The following KLHL2 variants were observed in gnomAD, a reference collection of about 807,000 sequenced individuals.
The protein encoded by KLHL2 is kelch-like protein 2.
A neutral mutation model predicts 75.8 loss-of-function variants in KLHL2; 15 were observed. The observed-to-expected ratio is 0.20, with a 90% confidence interval of 0.13 to 0.30. The LOEUF (loss-of-function observed/expected upper bound fraction) is 0.30, where lower values mean the gene tolerates loss of function less well. Ranked by LOEUF, KLHL2 falls within the 10% of genes least tolerant of loss-of-function variation. The pLI is 1.00. For synonymous variants in KLHL2, 214 were observed against 251.9 expected (o/e 0.85, Z 1.42); for missense variants, 381 against 741.0 (o/e 0.51, Z 5.64).
At chr4:165,241,783 C>A (rs1359763669) in intron 4 of KLHL2, among the ~76,000 whole-genome samples, 2 of 152,068 alleles carry the variant, frequency 1.3e-5, no homozygotes, top group Non-Finnish European at 2.9e-5. Context: ...TTCCATGATA[C>A]CATATGGTCT....
At chr4:165,209,148 C>G (rs1158017758) in intron 1 of KLHL2, among the ~76,000 whole-genome samples, 1 of 152,082 alleles carries the variant, frequency 6.6e-6, no homozygotes. Context: ...AGTCACCTCT[C>G]GATAGCTGTG....
At chr4:165,208,531 G>C (rs1578955163) in intron 1 of KLHL2, 1 of 152,218 alleles carries the variant, frequency 6.6e-6, no homozygotes, top group East Asian at 1.9e-4. Context: ...GCCAGGCACA[G>C]GTGTCTTTTT....
intron 7 of KLHL2, among the ~76,000 whole-genome samples, chr4:165,298,932 T>TTCCCCCCCCC: frequency 9.3e-6 from 1 of 106,974 alleles, no homozygotes; most frequent in South Asian, 3.5e-4. Context: ...TCTGTTCCCT[T>TTCCCCCCCCC]CCCCCCGCCC....
At chr4:165,303,783 G>A (rs1364228498) in intron 8 of KLHL2, among the ~76,000 whole-genome samples, 3 of 151,826 alleles carry the variant, frequency 2.0e-5, no homozygotes, top group Non-Finnish European at 2.9e-5. Flanking sequence ...GGCTGGTCTC[G>A]AACTCCTGAT....
At chr4:165,306,080 T>C (rs1745707008) in intron 9 of KLHL2, among the ~76,000 whole-genome samples, 1 of 152,256 alleles carries the variant, frequency 6.6e-6, no homozygotes, top group Admixed American at 6.5e-5. Flanking sequence ...AGTCCCTCAG[T>C]TATAAGGCAT....
intron 1 of KLHL2, among the ~76,000 whole-genome samples, chr4:165,217,339 G>A (rs143518673): frequency 6.6e-6 from 1 of 152,230 alleles, no homozygotes; most frequent in East Asian, 1.9e-4. Context: ...GAGAATATCT[G>A]TCTTATACTA....
chr4:165,215,662 G>T (rs1737487405), intron 1 of KLHL2, among the ~76,000 whole-genome samples: 1 of 152,122 alleles, frequency 6.6e-6, no homozygotes, highest in African/African-American at 2.4e-5. Flanking sequence ...TGTCCTAAAT[G>T]TCAAAATGTC....
intron 13 of KLHL2, among the ~76,000 whole-genome samples, chr4:165,317,341 T>C (rs947885552): frequency 5.9e-5 from 9 of 151,702 alleles, no homozygotes; most frequent in African/African-American, 1.9e-4. Flanking sequence ...AGTGGTATTA[T>C]GGTCTCCTAA....
intron 4 of KLHL2, chr4:165,240,497 G>T (rs1444331013): frequency 6.6e-6 from 1 of 151,966 alleles, no homozygotes; most frequent in Admixed American, 6.6e-5. Flanking sequence ...GTCAATATTG[G>T]GGTTGTTTCT....
intron 9 of KLHL2, among the ~76,000 whole-genome samples, chr4:165,310,303 C>T (rs902749993): frequency 3.3e-5 from 5 of 152,044 alleles, no homozygotes; most frequent in Non-Finnish European, 5.9e-5. Context: ...CCAGCCTGGG[C>T]GACAGAGTGA....
chr4:165,320,741 CTG>C (rs1398223304), intron 14 of KLHL2, among the ~76,000 whole-genome samples: 1 of 152,140 alleles, frequency 6.6e-6, no homozygotes, highest in Non-Finnish European at 1.5e-5. Flanking sequence ...TGGAAAAAAA[CTG>C]TGTTCAGATG....
chr4:165,287,390 C>T (rs552759767), intron 5 of KLHL2, among the ~76,000 whole-genome samples: 68 of 152,176 alleles, frequency 4.5e-4, no homozygotes, highest in African/African-American at 1.6e-3. Flanking sequence ...TTTCATTTAT[C>T]CATTCATTAA....
intron 5 of KLHL2, among the ~76,000 whole-genome samples, chr4:165,264,750 A>ATATATATG (rs1742091135): frequency 2.3e-5 from 2 of 88,350 alleles, no homozygotes; most frequent in Admixed American, 2.4e-4. Flanking sequence ...GTATATATAT[A>ATATATATG]TATATATATA....
At chr4:165,279,758 C>G in intron 5 of KLHL2, 2 of 808,730 alleles carry the variant, frequency 2.5e-6, no homozygotes, top group Non-Finnish European at 4.4e-6. Context: ...GTCCGCTGAA[C>G]TAGCCTCACT....
intron 2 of KLHL2, among the ~76,000 whole-genome samples, chr4:165,222,754 C>T (rs1738104950): frequency 6.6e-6 from 1 of 152,146 alleles, no homozygotes; most frequent in Admixed American, 6.5e-5. Context: ...CCTGTCCTTG[C>T]GTCAACTTCC....
intron 9 of KLHL2, among the ~76,000 whole-genome samples, chr4:165,306,885 A>G (rs1281504842): frequency 9.2e-5 from 14 of 152,166 alleles, no homozygotes; most frequent in Non-Finnish European, 1.5e-5. Context: ...TTATCTTTTA[A>G]TGTAGTCCTG....
chr4:165,271,679 G>A (rs547122405), intron 5 of KLHL2, among the ~76,000 whole-genome samples: 17 of 152,212 alleles, frequency 1.1e-4, no homozygotes, highest in Middle Eastern at 3.4e-3. Context: ...TGGGACTTAC[G>A]GAAGTTGCTA....
intron 1 of KLHL2, among the ~76,000 whole-genome samples, chr4:165,219,103 A>G (rs1407881738): frequency 6.6e-6 from 1 of 151,942 alleles, no homozygotes; most frequent in African/African-American, 2.4e-5. Flanking sequence ...GGTTAATTTT[A>G]TGTCCTAAGT....
chr4:165,257,997 A>G (rs1419791310), intron 4 of KLHL2, among the ~76,000 whole-genome samples: 2 of 152,090 alleles, frequency 1.3e-5, no homozygotes, highest in Admixed American at 6.5e-5. Flanking sequence ...TAGATGGCAC[A>G]CAGATAAACT....
Sources: gnomAD v4.1 joint callset for allele counts (sites outside exome capture counted in the v4.1 genomes callset) on GRCh38, gnomAD v4.1.1 for gene constraint, MANE v1.5 for transcripts, NCBI Gene and HGNC (gene_info 2026-07-23, HGNC 2026-07-21) for gene names.